Variants in DPY19L4 observed in about 807,000 individuals in gnomAD.
DPY19L4 encodes the protein dpy-19 like 4.
In DPY19L4, 97 loss-of-function variants were observed where a neutral mutation model predicts 102.8. The observed-to-expected ratio is 0.94, with a 90% confidence interval of 0.80 to 1.12. The LOEUF (loss-of-function observed/expected upper bound fraction) is 1.12, where lower values mean the gene tolerates loss of function less well. DPY19L4 is among the 50% of genes most tolerant of loss of function. The pLI is 0.00. For synonymous variants in DPY19L4, 252 were observed against 283.1 expected (o/e 0.89, Z 1.10); for missense variants, 815 against 850.4 (o/e 0.96, Z 0.52).
At chr8:94,734,594 T>C in intron 2 of DPY19L4, 36 bp from the exon 3 acceptor site, 1 of 1,579,784 alleles carries the variant, frequency 6.3e-7, no homozygotes, top group Non-Finnish European at 8.6e-7. Flanking sequence ...CAAGGGTACA[T>C]ATTACCTTTT....
chr8:94,735,434 A>G (rs1045784531), intron 3 of DPY19L4, among the ~76,000 whole-genome samples: 3 of 152,186 alleles, frequency 2.0e-5, no homozygotes, highest in African/African-American at 7.2e-5. Context: ...ATTACTGACT[A>G]TATCTGTCTT....
intron 6 of DPY19L4, among the ~76,000 whole-genome samples, chr8:94,743,026 A>T (rs1811514225): frequency 6.6e-6 from 1 of 150,848 alleles, no homozygotes. Flanking sequence ...ATTTTATTTT[A>T]TTTATTTATT....
intron 18 of DPY19L4, 32 bp from the exon 19 acceptor site, chr8:94,789,714 T>C (rs1004710369): frequency 1.9e-6 from 3 of 1,538,688 alleles, no homozygotes; most frequent in African/African-American, 2.8e-5. Context: ...CTTAATAAGC[T>C]TTTTAATATT....
At position 94,789,644 on chromosome 8, in the gene DPY19L4, A is replaced by G. The variant is rs6986723; in HGVS notation, c.2008-102A>G. The G allele has an allele frequency of 0.014, 14,744 of 1,049,796 alleles. 1,429 individuals are homozygous for G. In the African/African-American group the frequency reaches 0.21, roughly 15 times the overall value. The allele number at this position is 1,049,796 out of a possible 1,614,324, so 65.0% of individuals were successfully genotyped here. A position where few individuals can be genotyped will look rare whatever the true frequency, so the allele number is the denominator to read the frequency against. On this transcript the variant is annotated intron_variant, in intron 18 of 18. Coordinates refer to ENST00000414645, the MANE Select transcript of DPY19L4 (RefSeq NM_181787.3). ...GATGTTTTATAGACAATGTTTAGCA[A>G]TAATGTGTTTTTTCATATAAATATA...
intron 7 of DPY19L4, among the ~76,000 whole-genome samples, chr8:94,760,638 A>C (rs746500181): frequency 2.0e-5 from 3 of 152,228 alleles, no homozygotes; most frequent in Non-Finnish European, 4.4e-5. Flanking sequence ...CAGAGAGCAC[A>C]GTTCTTATCT....
chr8:94,764,575 CAAAAAAA>C (rs554856939), intron 8 of DPY19L4, among the ~76,000 whole-genome samples: 1 of 53,152 alleles, frequency 1.9e-5, no homozygotes, highest in South Asian at 6.9e-4. Context: ...GACTCCGTCT[CAAAAAAA>C]AAAAAAAAAA....
At chr8:94,740,340 A>G (rs1038171031) in intron 6 of DPY19L4, among the ~76,000 whole-genome samples, 1 of 152,032 alleles carries the variant, frequency 6.6e-6, no homozygotes, top group Admixed American at 6.6e-5. Flanking sequence ...TAGAATCTGA[A>G]TTTTGGGTCT....
intron 2 of DPY19L4, among the ~76,000 whole-genome samples, chr8:94,727,863 T>A (rs1447284145): frequency 3.3e-5 from 5 of 152,228 alleles, no homozygotes; most frequent in Non-Finnish European, 7.3e-5. Context: ...GGCACTGTTA[T>A]CAGTTAGAGA....
Position 94,720,340 on chromosome 8 carries a change from C to G in DPY19L4, c.16+326C>G, listed in dbSNP as rs1469739383. The G allele has an allele frequency of 7.9e-6, 7 of 883,548 alleles. No homozygotes were observed. In the East Asian group the frequency reaches 6.0e-4, roughly 75 times the overall value. The allele number at this position is 883,548 out of a possible 1,614,324, so 54.7% of individuals were successfully genotyped here. A position where few individuals can be genotyped will look rare whatever the true frequency, so the allele number is the denominator to read the frequency against. On this transcript the variant is annotated intron_variant, in intron 1 of 18. Coordinates refer to ENST00000414645, the MANE Select transcript of DPY19L4 (RefSeq NM_181787.3). Reference sequence around the variant, plus strand: ...CAGATTCTTGGTGAAGTGGGAGGCGCAGTTTGGTTTCGAAGATCAGGTTTA... The same window carrying G: ...CAGATTCTTGGTGAAGTGGGAGGCGGAGTTTGGTTTCGAAGATCAGGTTTA...
At chr8:94,727,769 G>A (rs574659478) in intron 2 of DPY19L4, among the ~76,000 whole-genome samples, 9 of 152,198 alleles carry the variant, frequency 5.9e-5, no homozygotes, top group African/African-American at 1.4e-4. Context: ...GGCTGGTCAT[G>A]TAGGTATCCT....
At chr8:94,746,322 A>G (rs1420584926) in intron 6 of DPY19L4, among the ~76,000 whole-genome samples, 1 of 151,952 alleles carries the variant, frequency 6.6e-6, no homozygotes, top group East Asian at 1.9e-4. Flanking sequence ...TGGCCTCCCA[A>G]AGTGCTGGGA....
intron 14 of DPY19L4, 35 bp from the exon 15 acceptor site, chr8:94,780,324 A>G (rs749839875): frequency 4.2e-6 from 6 of 1,419,798 alleles, no homozygotes; most frequent in Non-Finnish European, 5.6e-6. Flanking sequence ...TCTGAAATGT[A>G]TTTATTTGTA....
chr8:94,734,980 A>G (rs1261537630), intron 3 of DPY19L4, among the ~76,000 whole-genome samples: 1 of 152,218 alleles, frequency 6.6e-6, no homozygotes, highest in African/African-American at 2.4e-5. Context: ...CTTATCAGGG[A>G]CTTTTGATGA....
chr8:94,732,171 C>CAA (rs1216928510), intron 2 of DPY19L4, among the ~76,000 whole-genome samples: 1 of 152,038 alleles, frequency 6.6e-6, no homozygotes, highest in East Asian at 1.9e-4. Flanking sequence ...ACATGCTATG[C>CAA]AAACTATTAT....
At chr8:94,751,916 A>G (rs1811950048) in intron 6 of DPY19L4, among the ~76,000 whole-genome samples, 1 of 152,098 alleles carries the variant, frequency 6.6e-6, no homozygotes, top group African/African-American at 2.4e-5. Context: ...TTTGGTATTC[A>G]TGTATGTTGT....
intron 9 of DPY19L4, 25 bp downstream of exon 9, chr8:94,765,339 T>C: frequency 6.3e-7 from 1 of 1,584,220 alleles, no homozygotes; most frequent in Non-Finnish European, 8.5e-7. Context: ...CTTTTTATTG[T>C]TCTTATTTTG....
Position 94,719,967 on chromosome 8 carries a change from A to G in DPY19L4, c.-32A>G, listed in dbSNP as rs558324869. 7.0e-4 allele frequency: 1,057 copies of G among 1,504,426 alleles called. 23 individuals carry two copies. In the South Asian group the frequency reaches 0.013, roughly 18 times the overall value. The allele number at this position is 1,504,426 out of a possible 1,614,324, so 93.2% of individuals were successfully genotyped here. A position where few individuals can be genotyped will look rare whatever the true frequency, so the allele number is the denominator to read the frequency against. ...GGAGGGAGAGTCTGGGCCGCGCGGG[A>G]GCCGCAGGGCGCCCTAGCCTTCGCA... On this transcript the variant is annotated 5_prime_UTR_variant, in exon 1 of 19. Coordinates refer to ENST00000414645, the MANE Select transcript of DPY19L4 (RefSeq NM_181787.3).
At chr8:94,753,613 C>T (rs58384068) in intron 6 of DPY19L4, among the ~76,000 whole-genome samples, 3,914 of 152,256 alleles carry the variant, frequency 0.026, 171 homozygotes, top group African/African-American at 0.089. Context: ...TGGCTCAAGC[C>T]TGTAATCCCA....
Position 94,768,512 on chromosome 8 carries a change from T to C in DPY19L4, c.1293T>C (p.Ile431=). 6.4e-7 allele frequency: 1 copy of C among 1,572,786 alleles called. No individual in the cohort carries two copies. The change falls in exon 12 of 19, where the codon ATT becomes ATC. Residue 431 remains isoleucine (I), a synonymous_variant. Coordinates refer to ENST00000414645, the MANE Select transcript of DPY19L4 (RefSeq NM_181787.3). ...CTTTCTACATTCTAGTGTTAATTAT[T>C]TGTTTTCTTTCTATGTTGCAAGTTA... ...LLPFYILVLI[I]CFLSMLQVIF... is the part of the protein sequence containing the mutation.
Sources: allele counts gnomAD v4.1 joint callset (sites outside exome capture counted in the v4.1 genomes callset), GRCh38; gene constraint gnomAD v4.1.1; transcripts MANE v1.5; gene names NCBI Gene and HGNC (gene_info 2026-07-23, HGNC 2026-07-21).